MFHAS1: variants seen among roughly 807,000 people sequenced by gnomAD.
MFHAS1 encodes the protein malignant fibrous histiocytoma-amplified sequence 1.
A neutral mutation model predicts 70.4 loss-of-function variants in MFHAS1; 50 were observed. The observed-to-expected ratio is 0.71, with a 90% CI of 0.57 to 0.90. The LOEUF (loss-of-function observed/expected upper bound fraction) is 0.90, where lower values mean the gene tolerates loss of function less well. Among genes scored for constraint, MFHAS1 ranks in the 40% least tolerant of loss-of-function variants. The pLI, the probability that MFHAS1 is intolerant of heterozygous loss-of-function variation, is 0.00. For synonymous variants in MFHAS1, 952 were observed against 620.0 expected (o/e 1.54, Z -7.96); for missense variants, 1,795 against 1,347.6 (o/e 1.33, Z -5.20).
At chr8:8,861,766 TTC>T (rs1402859617) in intron 1 of MFHAS1, among the ~76,000 whole-genome samples, 1 of 152,212 alleles carries the variant, frequency 6.6e-6, no homozygotes, top group Non-Finnish European at 1.5e-5. Flanking sequence ...CAGACCTGCT[TTC>T]TGACAGTGTA....
chr8:8,795,323 A>C (rs1805855150), intron 2 of MFHAS1, among the ~76,000 whole-genome samples: 1 of 152,236 alleles, frequency 6.6e-6, no homozygotes, highest in African/African-American at 2.4e-5. Flanking sequence ...AAAGAGAAAC[A>C]ATAAAATTTC....
intron 1 of MFHAS1, among the ~76,000 whole-genome samples, chr8:8,874,200 T>C (rs574642487): frequency 6.6e-6 from 1 of 152,238 alleles, no homozygotes; most frequent in African/African-American, 2.4e-5. Flanking sequence ...TTCTTACACC[T>C]CTGGAAGGTG....
At chr8:8,866,262 G>A (rs1808852940) in intron 1 of MFHAS1, among the ~76,000 whole-genome samples, 1 of 151,608 alleles carries the variant, frequency 6.6e-6, no homozygotes, top group African/African-American at 2.4e-5. Context: ...CTCTGACGCT[G>A]AATGGGAACC....
At chr8:8,840,417 A>C (rs1807771839) in intron 1 of MFHAS1, among the ~76,000 whole-genome samples, 1 of 148,070 alleles carries the variant, frequency 6.8e-6, no homozygotes, top group Non-Finnish European at 1.5e-5. Flanking sequence ...AGATTGTGCC[A>C]CTGCACTCTA....
At chr8:8,864,863 G>A (rs1245365365) in intron 1 of MFHAS1, among the ~76,000 whole-genome samples, 1 of 152,174 alleles carries the variant, frequency 6.6e-6, no homozygotes, top group Non-Finnish European at 1.5e-5. Context: ...TATATAACAT[G>A]GTGCCGAAAT....
chr8:8,832,607 G>A (rs1807444563), intron 1 of MFHAS1, among the ~76,000 whole-genome samples: 1 of 148,306 alleles, frequency 6.7e-6, no homozygotes, highest in Non-Finnish European at 1.5e-5. Flanking sequence ...ATGAACATGT[G>A]ATGCAACCAG....
chr8:8,861,595 C>T (rs1359226980), intron 1 of MFHAS1, among the ~76,000 whole-genome samples: 1 of 152,098 alleles, frequency 6.6e-6, no homozygotes, highest in African/African-American at 2.4e-5. Flanking sequence ...AGGCATTTTA[C>T]GTGTAATAAA....
At chr8:8,867,311 C>G (rs1358973905) in intron 1 of MFHAS1, among the ~76,000 whole-genome samples, 1 of 151,880 alleles carries the variant, frequency 6.6e-6, no homozygotes, top group Non-Finnish European at 1.5e-5. Context: ...AAAAATATAC[C>G]CTCACATTTT....
chr8:8,817,569 T>C (rs982573385), intron 1 of MFHAS1, among the ~76,000 whole-genome samples: 25 of 152,226 alleles, frequency 1.6e-4, no homozygotes, highest in African/African-American at 4.8e-5. Flanking sequence ...GCAGTGCCCC[T>C]GGACTCCATC....
intron 1 of MFHAS1, among the ~76,000 whole-genome samples, chr8:8,876,260 T>C (rs889073591): frequency 2.0e-5 from 3 of 152,168 alleles, no homozygotes; most frequent in African/African-American, 7.2e-5. Context: ...ATGCTTCAAT[T>C]TGAAAACTAC....
chr8:8,856,377 C>G (rs1272255432), intron 1 of MFHAS1, among the ~76,000 whole-genome samples: 9 of 152,110 alleles, frequency 5.9e-5, no homozygotes, highest in African/African-American at 2.2e-4. Flanking sequence ...AAGATACTTC[C>G]CCGTATTTCA....
At chr8:8,887,746 G>T (rs527541198) in intron 1 of MFHAS1, among the ~76,000 whole-genome samples, 1 of 149,856 alleles carries the variant, frequency 6.7e-6, no homozygotes. Context: ...CATTTGAAAG[G>T]CAAATAGACA....
At chr8:8,803,285 G>C (rs1052019658) in intron 1 of MFHAS1, among the ~76,000 whole-genome samples, 2 of 151,048 alleles carry the variant, frequency 1.3e-5, no homozygotes, top group Admixed American at 1.3e-4. Flanking sequence ...CCGAGGGGTG[G>C]GGGCAGATCA....
rs1236058556 is a variant in MFHAS1 at position 8,785,538 on chromosome 8, T to G, written c.*484A>C. ...CGCTAGAAGCTTCAAACTGTATAAATTTAAATGTATTTGCATATTATAAAA... is the reference window on the plus strand; with the variant it reads ...CGCTAGAAGCTTCAAACTGTATAAAGTTAAATGTATTTGCATATTATAAAA... On this transcript the variant is annotated 3_prime_UTR_variant, in exon 3 of 3. Coordinates refer to ENST00000276282, the MANE Select transcript of MFHAS1 (RefSeq NM_004225.3). The G allele has an allele frequency of 1.3e-5, 2 of 155,038 alleles. No homozygotes were observed. The highest frequency in any genetic ancestry group is 2.4e-5 in the African/African-American group (1 of 41,450). 9.6% of individuals were successfully genotyped at this position (155,038 alleles called of 1,614,324 possible). A position where few individuals can be genotyped will look rare whatever the true frequency, so the allele number is the denominator to read the frequency against.
Position 8,892,877 on chromosome 8 carries a change from T to C in MFHAS1, c.182A>G (p.Asn61Ser), listed in dbSNP as rs748746823. Residue 61 changes from asparagine (N) to serine (S), a missense_variant, in exon 1 of 3, where the codon AAC becomes AGC. By Grantham distance (46) the Asn-to-Ser change is conservative. Transcript: ENST00000276282. This position sits in a 1 kb window ranked among gnomAD's most constrained non-coding sequence, Gnocchi z 4.7. ...PASPQLVLPA[N>S]LGDIEALNLG... ...GTTCAGTGCCTCAATGTCCCCGAGG[T>C]TGGCCGGCAGCACGAGCTGGGGGGA... The C allele has an allele frequency of 4.0e-5, 64 of 1,587,036 alleles. No individual in the cohort carries two copies. Among genetic ancestry groups the C allele is most frequent in the Non-Finnish European group, 4.5e-5 (53 of 1,168,688 alleles).
chr8:8,828,835 T>G (rs908131719), intron 1 of MFHAS1, among the ~76,000 whole-genome samples: 17 of 152,146 alleles, frequency 1.1e-4, no homozygotes, highest in African/African-American at 4.1e-4. Flanking sequence ...ATTTGCTGCT[T>G]TAGATTTATG....
At chr8:8,797,797 A>T (rs1175122314) in intron 1 of MFHAS1, among the ~76,000 whole-genome samples, 1 of 152,166 alleles carries the variant, frequency 6.6e-6, no homozygotes, top group Non-Finnish European at 1.5e-5. Flanking sequence ...GACTCCAGGG[A>T]TCTTTATCTA....
chr8:8,843,259 G>T (rs975602003), intron 1 of MFHAS1, among the ~76,000 whole-genome samples: 6 of 138,254 alleles, frequency 4.3e-5, no homozygotes, highest in African/African-American at 1.8e-4. Flanking sequence ...CTGGGCGACA[G>T]AGCGAGACTC....
At chr8:8,868,184 C>T (rs1808934186) in intron 1 of MFHAS1, among the ~76,000 whole-genome samples, 1 of 151,880 alleles carries the variant, frequency 6.6e-6, no homozygotes, top group Non-Finnish European at 1.5e-5. Context: ...GCTGCAAGGC[C>T]TCTGGAAACT....
Sources: gnomAD v4.1 joint callset for allele counts (sites outside exome capture counted in the v4.1 genomes callset) on GRCh38, gnomAD v4.1.1 for gene constraint, Gnocchi (gnomAD v3.1) non-coding constraint, MANE v1.5 for transcripts, NCBI Gene and HGNC (gene_info 2026-07-23, HGNC 2026-07-21) for gene names.